UNC13B: variants seen among roughly 807,000 people sequenced by gnomAD.
UNC13B encodes protein unc-13 homolog B.
A neutral mutation model predicts 211.0 loss-of-function variants in UNC13B; 144 were observed. That is an observed-to-expected ratio of 0.68 (90% confidence interval 0.60 to 0.78). UNC13B has a LOEUF of 0.78. Ranked by LOEUF, UNC13B falls within the 30% of genes least tolerant of loss-of-function variation. UNC13B has a pLI of 0.00. For synonymous variants in UNC13B, 709 were observed against 725.8 expected (o/e 0.98, Z 0.37); for missense variants, 1,777 against 2,002.0 (o/e 0.89, Z 2.14).
chr9:35,210,873 T>A (rs1336243823), intron 1 of UNC13B, among the ~76,000 whole-genome samples: 1 of 152,140 alleles, frequency 6.6e-6, no homozygotes, highest in Non-Finnish European at 1.5e-5. Context: ...GTTGCAGAAA[T>A]CTTGCAATGC....
chr9:35,167,552 A>G (rs934134654), intron 1 of UNC13B, among the ~76,000 whole-genome samples: 1 of 146,420 alleles, frequency 6.8e-6, no homozygotes, highest in Non-Finnish European at 1.5e-5. Flanking sequence ...TCTTTTCACT[A>G]TTACAAACAG....
intron 2 of UNC13B, among the ~76,000 whole-genome samples, chr9:35,228,742 G>GTGTGTA (rs1825019722): frequency 7.5e-6 from 1 of 132,800 alleles, no homozygotes; most frequent in African/African-American, 2.7e-5. Context: ...GTGTGTGTGT[G>GTGTGTA]TGTGTGTATG....
chr9:35,198,970 C>A (rs1270996923), intron 1 of UNC13B, among the ~76,000 whole-genome samples: 1 of 152,148 alleles, frequency 6.6e-6, no homozygotes, highest in Non-Finnish European at 1.5e-5. Context: ...GTTAACTCAT[C>A]ATTTACATTA....
Position 35,398,979 on chromosome 9 carries a change from G to A in UNC13B, c.12019G>A (p.Ala4007Thr). The A allele has an allele frequency of 6.2e-7, 1 of 1,614,178 alleles. No individual in the cohort carries two copies. The highest frequency in any genetic ancestry group is 8.5e-7 in the Non-Finnish European group (1 of 1,180,018). The change falls in exon 33 of 40, where the codon GCG becomes ACG. Residue 4007 changes from alanine (A) to threonine (T), a missense_variant. Coordinates refer to ENST00000635942, the MANE Select transcript of UNC13B (RefSeq NM_001371189.2). ...GNASPDARAS[A>T]AQDADSVLRP... ...TGCATCTCCAGACGCCAGGGCCTCA[G>A]CGGCTCAGGATGCAGATAGCGTACT...
chr9:35,377,369 G>A, intron 15 of UNC13B, 99 bp from the exon 16 acceptor site: 1 of 1,240,478 alleles, frequency 8.1e-7, no homozygotes, highest in Non-Finnish European at 1.1e-6. Context: ...CAGGCTGGCT[G>A]CATAGTTTCT....
chr9:35,248,318 T>A (rs1826228427), intron 6 of UNC13B, among the ~76,000 whole-genome samples: 1 of 152,210 alleles, frequency 6.6e-6, no homozygotes, highest in Non-Finnish European at 1.5e-5. Context: ...CCTGGATTCA[T>A]TGATTTTTTT....
chr9:35,272,722 A>G (rs1827962910), intron 7 of UNC13B, among the ~76,000 whole-genome samples: 2 of 152,310 alleles, frequency 1.3e-5, no homozygotes, highest in Middle Eastern at 3.4e-3. Flanking sequence ...TGAATTTGAG[A>G]CTTAGTTGAA....
At chr9:35,349,090 A>G (rs1587673013) in intron 11 of UNC13B, among the ~76,000 whole-genome samples, 1 of 151,826 alleles carries the variant, frequency 6.6e-6, no homozygotes, top group Admixed American at 6.6e-5. Flanking sequence ...GCTAATTTTT[A>G]TATTTTTAAT....
intron 11 of UNC13B, chr9:35,352,230 T>C (rs1832760777): frequency 4.9e-6 from 6 of 1,232,186 alleles, no homozygotes; most frequent in Non-Finnish European, 6.1e-6. Context: ...GAAAATACTA[T>C]GGAACTGGTG....
rs1564081136 is a variant in UNC13B, at chr9:35,231,135, A to C, written c.68A>C (p.Tyr23Ser). The C allele has an allele frequency of 6.2e-7, 1 of 1,611,862 alleles. No homozygotes were observed. Among genetic ancestry groups the C allele is most frequent in the Non-Finnish European group, 8.5e-7 (1 of 1,178,326 alleles). Residue 23 changes from tyrosine to serine, a missense_variant, in exon 3 of 40, where the codon TAT becomes TCT. By Grantham distance (144) the Tyr-to-Ser change is moderately radical. Transcript: ENST00000635942. ...FQGSPDKFNT[Y>S]VTLKVQNVKS... ...TTTTTCAAAGATAAATTTAACACATATGTGACCCTGAAAGTACAGAATGTG... is the reference window on the plus strand; with the variant it reads ...TTTTTCAAAGATAAATTTAACACATCTGTGACCCTGAAAGTACAGAATGTG...
At position 35,390,571 on chromosome 9, in the gene UNC13B, G is replaced by T; in HGVS notation, c.11223-58G>T. On this transcript the variant is annotated intron_variant, in intron 25 of 39. Transcript: ENST00000635942. ...GAACTAGGCACTTTAGCCTTGAAAT[G>T]AATCAAATCAAATGGCTCTTGCCTT... 5 of 1,580,656 alleles carry T rather than the reference G, an allele frequency of 3.2e-6. No homozygotes were observed. In the South Asian group the frequency reaches 4.4e-5, roughly 14 times the overall value.
intron 7 of UNC13B, among the ~76,000 whole-genome samples, chr9:35,279,297 T>C (rs1828352467): frequency 6.6e-6 from 1 of 152,336 alleles, no homozygotes; most frequent in Middle Eastern, 3.4e-3. Flanking sequence ...CATATAGTAT[T>C]AGGCCTTTTG....
intron 7 of UNC13B, among the ~76,000 whole-genome samples, chr9:35,269,610 CT>C (rs891715610): frequency 6.6e-6 from 1 of 152,152 alleles, no homozygotes; most frequent in Non-Finnish European, 1.5e-5. Context: ...AAAGTTGGTT[CT>C]TTTGGCAACT....
At chr9:35,172,428 T>C (rs1266661514) in intron 1 of UNC13B, among the ~76,000 whole-genome samples, 1 of 152,196 alleles carries the variant, frequency 6.6e-6, no homozygotes, top group African/African-American at 2.4e-5. Context: ...TTTATCCAAC[T>C]GTATTTTTGT....
chr9:35,353,000 C>T, intron 11 of UNC13B: 1 of 1,232,158 alleles, frequency 8.1e-7, no homozygotes, highest in Non-Finnish European at 1.0e-6. Context: ...GGACAAGCTC[C>T]TGGGCTGCGA....
intron 11 of UNC13B, among the ~76,000 whole-genome samples, chr9:35,349,011 G>A (rs1014080574): frequency 5.3e-5 from 8 of 151,976 alleles, no homozygotes. Flanking sequence ...TCTGCCTCCT[G>A]GGTTCAAGTG....
chr9:35,300,370 C>T lies in UNC13B; in HGVS notation c.966C>T (p.Tyr322=), dbSNP rs1158020054. The T allele has an allele frequency of 5.0e-6, 2 of 398,914 alleles. No individual in the cohort carries two copies. Among genetic ancestry groups the T allele is most frequent in the African/African-American group, 4.1e-5 (2 of 48,728 alleles). 24.7% of individuals were successfully genotyped at this position (398,914 alleles called of 1,614,324 possible). The change falls in exon 9 of 40, where the codon TAC becomes TAT. Residue 322 remains tyrosine, a synonymous_variant. Coordinates refer to ENST00000635942, the MANE Select transcript of UNC13B (RefSeq NM_001371189.2). ...QNMGYPVLYP[Y]KNGFVVKSGM... ...TGGGGTACCCAGTTTTGTACCCCTACAAAAATGGATTTGTGGTTAAGAGTG... is the reference window on the plus strand; with the variant it reads ...TGGGGTACCCAGTTTTGTACCCCTATAAAAATGGATTTGTGGTTAAGAGTG...
rs1055606977 is a variant in UNC13B at position 35,404,975 on chromosome 9, C to T, written c.*942C>T. The T allele has an allele frequency of 6.5e-6, 1 of 152,858 alleles. No homozygotes were observed. The highest frequency in any genetic ancestry group is 1.9e-4 in the East Asian group (1 of 5,186). The allele number at this position is 152,858 out of a possible 1,614,324, so 9.5% of individuals were successfully genotyped here. A position where few individuals can be genotyped will look rare whatever the true frequency, so the allele number is the denominator to read the frequency against. ...GCAGAAAGAATCTAGCCTTTGGTCT[C>T]TCTCTCTCTCATCGGGGTCATTTGC... On this transcript the variant is annotated 3_prime_UTR_variant, in exon 40 of 40. Transcript: ENST00000635942.
chr9:35,212,289 T>C (rs1324552407), intron 1 of UNC13B, among the ~76,000 whole-genome samples: 1 of 152,170 alleles, frequency 6.6e-6, no homozygotes, highest in Non-Finnish European at 1.5e-5. Context: ...TATCTAAGAA[T>C]AGGCCAGGCG....
Sources: gnomAD v4.1 joint callset for allele counts (sites outside exome capture counted in the v4.1 genomes callset) on GRCh38, gnomAD v4.1.1 for gene constraint, MANE v1.5 for transcripts, NCBI Gene and HGNC (gene_info 2026-07-23, HGNC 2026-07-21) for gene names.